MGA: variants seen among roughly 807,000 people sequenced by gnomAD.
The protein encoded by MGA is MAX gene-associated protein.
A neutral mutation model predicts 261.1 loss-of-function variants in MGA; 40 were observed. The ratio of observed to expected loss-of-function variants is 0.15; its 90% CI spans 0.12 to 0.20. The LOEUF is 0.20. Among genes scored for constraint, MGA ranks in the 10% least tolerant of loss-of-function variants. The pLI is 1.00. For synonymous variants in MGA, 1,302 were observed against 1,290.6 expected, an observed-to-expected ratio of 1.01 and a Z score of -0.19; for missense variants, 3,397 against 3,630.5, an observed-to-expected ratio of 0.94 and a Z score of 1.65.
intron 1 of MGA, among the ~76,000 whole-genome samples, chr15:41,665,262 T>C (rs999223916): frequency 6.6e-6 from 1 of 152,226 alleles, no homozygotes; most frequent in African/African-American, 2.4e-5. Context: ...CTGAATTTGA[T>C]TAAGATTACT....
chr15:41,640,723 A>G (rs1438205387), intron 1 of MGA, among the ~76,000 whole-genome samples: 1 of 152,078 alleles, frequency 6.6e-6, no homozygotes, highest in Non-Finnish European at 1.5e-5. Context: ...TTTGCCATGT[A>G]AGTTAGGCTG....
chr15:41,700,814 AT>A (rs1230885965), intron 5 of MGA, among the ~76,000 whole-genome samples: 1 of 152,130 alleles, frequency 6.6e-6, no homozygotes, highest in Non-Finnish European at 1.5e-5. Flanking sequence ...AGTTTTTTGA[AT>A]TTTTGACTCA....
intron 10 of MGA, among the ~76,000 whole-genome samples, chr15:41,728,333 AAAC>A (rs1186655030): frequency 2.0e-5 from 3 of 152,234 alleles, no homozygotes; most frequent in Non-Finnish European, 4.4e-5. Context: ...TCCATCTCAA[AAAC>A]AACAACAACA....
intron 7 of MGA, 31 bp from the exon 8 acceptor site, chr15:41,710,660 C>T: frequency 6.4e-7 from 1 of 1,555,002 alleles, no homozygotes; most frequent in African/African-American, 1.4e-5. Context: ...TCCTAGATTT[C>T]TTTAAGCATT....
At chr15:41,700,893 T>C (rs1028429133) in intron 5 of MGA, among the ~76,000 whole-genome samples, 6 of 152,106 alleles carry the variant, frequency 3.9e-5, no homozygotes, top group African/African-American at 1.4e-4. Context: ...AGTCTAAACA[T>C]TATAAGTTAT....
intron 15 of MGA, among the ~76,000 whole-genome samples, chr15:41,745,280 A>AAAT (rs2062382852): frequency 2.3e-5 from 2 of 87,340 alleles, no homozygotes. Flanking sequence ...AGAATGATCA[A>AAAT]TAAAAAAAAA....
intron 9 of MGA, among the ~76,000 whole-genome samples, chr15:41,722,778 A>G (rs1049479718): frequency 6.6e-5 from 10 of 152,168 alleles, no homozygotes; most frequent in Admixed American, 2.6e-4. Context: ...TCTAAGTGTA[A>G]TGCTTTTCAT....
At chr15:41,687,032 T>G (rs975737680) in intron 2 of MGA, among the ~76,000 whole-genome samples, 2 of 139,894 alleles carry the variant, frequency 1.4e-5, no homozygotes, top group African/African-American at 5.7e-5. Context: ...AAGATTGCTG[T>G]TTTTTTTTTC....
chr15:41,697,002 C>G lies in MGA; in HGVS notation c.1992C>G (p.Leu664=). 6.4e-7 allele frequency: 1 copy of G among 1,560,192 alleles called. No individual in the cohort carries two copies. Among genetic ancestry groups the G allele is most frequent in the Middle Eastern group, 1.7e-4 (1 of 5,874 alleles). ...ATCTGGAAGATGTGGATGGTGTTCT[C>G]TTTGTTTCCTTTGAATCAAAGGTAA... The change falls in exon 3 of 24, where the codon CTC becomes CTG. Residue 664 remains leucine, a synonymous_variant. Coordinates refer to ENST00000219905, the MANE Select transcript of MGA (RefSeq NM_001164273.2).
At chr15:41,673,540 CT>C (rs777334913) in intron 2 of MGA, among the ~76,000 whole-genome samples, 81 of 118,892 alleles carry the variant, frequency 6.8e-4, no homozygotes, top group South Asian at 1.5e-3. Flanking sequence ...TTCTTTCTTT[CT>C]TTTTTTTTTT....
Position 41,748,660 on chromosome 15 carries a change from G to T in MGA, c.5236G>T (p.Ala1746Ser). The T allele has an allele frequency of 6.2e-7, 1 of 1,612,368 alleles. No individual in the cohort carries two copies. The highest frequency in any genetic ancestry group is 8.5e-7 in the Non-Finnish European group (1 of 1,178,874). ...AGAAAATGCTGCTCAAATTCCAGTG[G>T]CTACTCCACAGGTCTCTCCTAACAC... is the stretch of plus-strand genomic sequence containing the variant. The change falls in exon 16 of 24, where the codon GCT becomes TCT. Residue 1746 changes from alanine (A) to serine (S), a missense_variant. Around this residue, in one of 9 missense-constraint regions of MGA, gnomAD observed 1,410 missense variants for 1,386.4 expected, o/e 1.02. Transcript: ENST00000219905.
chr15:41,742,765 C>T lies in MGA; in HGVS notation c.4805C>T (p.Pro1602Leu). The T allele has an allele frequency of 1.2e-6, 2 of 1,614,008 alleles. No individual in the cohort carries two copies. The highest frequency in any genetic ancestry group is 8.5e-7 in the Non-Finnish European group (1 of 1,179,892). ...ACTGCTGCTGTCACTACTACCACCC[C>T]TCAAGTGTTTTTAGAAAATACTACT... The change falls in exon 15 of 24, where the codon CCT (proline) becomes CTT (leucine). Residue 1602 changes from proline to leucine, a missense_variant. Physicochemically the swap from Pro to Leu is moderately conservative, Grantham distance 98. This residue lies in a region of MGA where 1,410 missense variants were observed against 1,386.4 expected (regional missense o/e 1.02). Transcript: ENST00000219905.
chr15:41,693,308 C>T (rs2059387925), intron 2 of MGA, among the ~76,000 whole-genome samples: 1 of 116,216 alleles, frequency 8.6e-6, no homozygotes, highest in Non-Finnish European at 1.7e-5. Flanking sequence ...TCCCTCCCCC[C>T]TCCCCCCACC....
chr15:41,690,381 T>A (rs1383047189), intron 2 of MGA, among the ~76,000 whole-genome samples: 2 of 152,240 alleles, frequency 1.3e-5, no homozygotes, highest in Non-Finnish European at 2.9e-5. Context: ...ATAATGTTGC[T>A]GTGAACATTT....
At chr15:41,718,301 GTATATATA>G in intron 9 of MGA, 1 of 192,868 alleles carries the variant, frequency 5.2e-6, no homozygotes, top group Non-Finnish European at 1.0e-5. Flanking sequence ...GTGTGTGTGT[GTATATATA>G]TATATATATA....
chr15:41,745,056 T>G (rs925390048), intron 15 of MGA, among the ~76,000 whole-genome samples: 2 of 152,098 alleles, frequency 1.3e-5, no homozygotes, highest in Non-Finnish European at 2.9e-5. Context: ...ATATTATATT[T>G]TTAGTAGAGA....
intron 1 of MGA, among the ~76,000 whole-genome samples, chr15:41,634,134 C>G (rs1042602662): frequency 1.3e-5 from 2 of 152,124 alleles, no homozygotes; most frequent in Non-Finnish European, 2.9e-5. Flanking sequence ...TCTGTAGCAT[C>G]ACAGTATATA....
chr15:41,748,893 G>T lies in MGA; in HGVS notation c.5469G>T (p.Gln1823His), dbSNP rs200665653. Reference sequence around the variant, plus strand: ...ATCAGCTTCGAGGCTCTAATACCCAGCCCAACTTACAGCCTGTCATGTTTC... The same window carrying T: ...ATCAGCTTCGAGGCTCTAATACCCATCCCAACTTACAGCCTGTCATGTTTC... The change falls in exon 16 of 24, where the codon CAG becomes CAT. Residue 1823 changes from glutamine to histidine, a missense_variant. Gln to His is a conservative substitution (Grantham distance 24). Around this residue, in one of 9 missense-constraint regions of MGA, gnomAD observed 1,410 missense variants for 1,386.4 expected, o/e 1.02. Coordinates refer to ENST00000219905, the MANE Select transcript of MGA (RefSeq NM_001164273.2). 1.9e-6 allele frequency: 3 copies of T among 1,613,886 alleles called. No homozygotes were observed. The highest frequency in any genetic ancestry group is 1.7e-6 in the Non-Finnish European group (2 of 1,179,870).
At position 41,766,579 on chromosome 15, in the gene MGA, C is replaced by G; in HGVS notation, c.8497C>G (p.Leu2833Val). The change falls in exon 24 of 24, where the codon CTT becomes GTT. Residue 2833 changes from leucine (L) to valine (V), a missense_variant. This residue lies in a region of MGA where 647 missense variants were observed against 642.4 expected (regional missense o/e 1.01). Transcript: ENST00000219905. ...TTCACTGCTCAATGAAATTGCCTTT[C>G]TTAATCAACAACTAAATGATGACTC... 1 of 1,613,934 alleles carries G rather than the reference C, an allele frequency of 6.2e-7. No individual in the cohort carries two copies. Among genetic ancestry groups the G allele is most frequent in the Non-Finnish European group, 8.5e-7 (1 of 1,179,854 alleles).
Sources: gnomAD v4.1 joint callset for allele counts (sites outside exome capture counted in the v4.1 genomes callset) on GRCh38, gnomAD v4.1.1 for gene constraint, gnomAD v4.1.1 regional missense constraint, MANE v1.5 for transcripts, NCBI Gene and HGNC (gene_info 2026-07-23, HGNC 2026-07-21) for gene names.